RMST: variants seen among roughly 807,000 people sequenced by gnomAD.
The protein encoded by RMST is rhabdomyosarcoma 2 associated transcript.
chr12:97,562,171 A>G (rs964636168), intron 13 of RMST, among the ~76,000 whole-genome samples: 3 of 152,192 alleles, frequency 2.0e-5, no homozygotes, highest in Non-Finnish European at 2.9e-5. Context: ...ACTGCCCTTC[A>G]GTACTGATCC....
At chr12:97,477,300 A>C (rs1276603504) in intron 5 of RMST, among the ~76,000 whole-genome samples, 1 of 152,154 alleles carries the variant, frequency 6.6e-6, no homozygotes, top group Non-Finnish European at 1.5e-5. Flanking sequence ...CAAACCTAGC[A>C]ATCCTGCTGA....
At chr12:97,532,754 A>T (rs925009395) in intron 11 of RMST, 2 of 150,144 alleles carry the variant, frequency 1.3e-5, no homozygotes, top group Non-Finnish European at 3.0e-5. Flanking sequence ...AAATGTGCTA[A>T]TGTAAAGAGT....
At chr12:97,551,805 T>C (rs1349989170) in intron 11 of RMST, 1 of 152,110 alleles carries the variant, frequency 6.6e-6, no homozygotes, top group African/African-American at 2.4e-5. Context: ...TTCAGAAAAA[T>C]TTAAGCCATG....
chr12:97,484,537 C>A (rs773759359), intron 5 of RMST, among the ~76,000 whole-genome samples: 10 of 152,118 alleles, frequency 6.6e-5, no homozygotes, highest in Non-Finnish European at 1.3e-4. Context: ...TTGCTTGCAG[C>A]CTTATTCTCT....
chr12:97,543,546 T>G (rs1337447700), intron 11 of RMST, among the ~76,000 whole-genome samples: 1 of 152,048 alleles, frequency 6.6e-6, no homozygotes, highest in Non-Finnish European at 1.5e-5. Context: ...CCCTTCCCTT[T>G]GTGCTGAAGC....
intron 5 of RMST, among the ~76,000 whole-genome samples, chr12:97,471,441 G>A (rs566769545): frequency 4.6e-5 from 7 of 152,246 alleles, no homozygotes; most frequent in African/African-American, 1.7e-4. Context: ...TTGGCCCTGA[G>A]GCTTTGAGCT....
chr12:97,532,662 T>TA (rs969435070), intron 11 of RMST: 1 of 150,270 alleles, frequency 6.7e-6, no homozygotes, highest in African/African-American at 2.4e-5. Context: ...TTTTTTTTTT[T>TA]TTTTTTTAAA....
chr12:97,538,250 A>C (rs1380871518), intron 11 of RMST, among the ~76,000 whole-genome samples: 1 of 151,376 alleles, frequency 6.6e-6, no homozygotes, highest in African/African-American at 2.4e-5. Flanking sequence ...GTTGTTTTGA[A>C]TCTTTAATCA....
intron 11 of RMST, among the ~76,000 whole-genome samples, chr12:97,544,847 T>C (rs1234234958): frequency 6.6e-6 from 1 of 152,076 alleles, no homozygotes; most frequent in East Asian, 1.9e-4. Context: ...CTATATAATA[T>C]GTATTTGTTA....
Position 97,482,699 on chromosome 12 carries a change from A to T in RMST, n.645-9762A>T, listed in dbSNP as rs143581730. On this transcript the variant is annotated intron_variant and non_coding_transcript_variant, in intron 5 of 13. Transcript: ENST00000640149. ...ATTTAATTTATTTATTATTTATTTAATAAATAAATTTATATTATTTATTTA... is the reference window on the plus strand; with the variant it reads ...ATTTAATTTATTTATTATTTATTTATTAAATAAATTTATATTATTTATTTA... 2.8e-3 allele frequency among the ~76,000 whole-genome samples: 69 copies of T among 24,880 alleles called. 4 individuals are homozygous for T. The highest frequency in any genetic ancestry group is 3.7e-3 in the Admixed American group (11 of 2,940). The allele number at this position is 24,880 out of a possible 152,430, so 16.3% of individuals were successfully genotyped here.
chr12:97,477,485 A>T (rs1220667884), intron 5 of RMST, among the ~76,000 whole-genome samples: 1 of 152,192 alleles, frequency 6.6e-6, no homozygotes, highest in Non-Finnish European at 1.5e-5. Context: ...AGGGGGATAA[A>T]TTTAATAGTT....
At chr12:97,512,105 T>C (rs1320895752) in intron 10 of RMST, among the ~76,000 whole-genome samples, 1 of 151,984 alleles carries the variant, frequency 6.6e-6, no homozygotes, top group Non-Finnish European at 1.5e-5. Context: ...GTGTTCAGAG[T>C]TTCTTCTGTC....
At chr12:97,483,222 G>C (rs1391897341) in intron 5 of RMST, among the ~76,000 whole-genome samples, 1 of 152,140 alleles carries the variant, frequency 6.6e-6, no homozygotes, top group African/African-American at 2.4e-5. Context: ...GTGAAAGTGG[G>C]ATGTGCTTTC....
chr12:97,559,903 A>G (rs1884000343), intron 11 of RMST, among the ~76,000 whole-genome samples: 1 of 152,192 alleles, frequency 6.6e-6, no homozygotes, highest in Non-Finnish European at 1.5e-5. Flanking sequence ...AACAAATATA[A>G]TAAGATGCCT....
chr12:97,555,676 T>G (rs1883654187), intron 11 of RMST, among the ~76,000 whole-genome samples: 1 of 152,212 alleles, frequency 6.6e-6, no homozygotes, highest in Admixed American at 6.5e-5. Context: ...TCTTATCTAT[T>G]GGTCTTGCCT....
At chr12:97,486,489 A>T (rs1398406227) in intron 5 of RMST, among the ~76,000 whole-genome samples, 2 of 152,198 alleles carry the variant, frequency 1.3e-5, no homozygotes, top group Non-Finnish European at 2.9e-5. Context: ...GATCTAGAGA[A>T]ATTGGAAACA....
chr12:97,473,172 G>A (rs1874136835), intron 5 of RMST, among the ~76,000 whole-genome samples: 1 of 152,044 alleles, frequency 6.6e-6, no homozygotes, highest in Non-Finnish European at 1.5e-5. Context: ...TTTGTTGTGA[G>A]AATAATGAGA....
chr12:97,471,269 G>A (rs767847617), intron 5 of RMST, among the ~76,000 whole-genome samples: 3 of 152,092 alleles, frequency 2.0e-5, no homozygotes, highest in African/African-American at 7.2e-5. Flanking sequence ...TGTGTAGCGT[G>A]TGTTAATTTT....
intron 11 of RMST, among the ~76,000 whole-genome samples, chr12:97,550,657 A>AT (rs1358260736): frequency 6.6e-6 from 1 of 152,034 alleles, no homozygotes; most frequent in Non-Finnish European, 1.5e-5. Flanking sequence ...TTTCTGTAGG[A>AT]TCTCTATTTT....
Sources: allele counts gnomAD v4.1 joint callset (sites outside exome capture counted in the v4.1 genomes callset), GRCh38; gene constraint gnomAD v4.1.1; transcripts MANE v1.5; gene names NCBI Gene and HGNC (gene_info 2026-07-23, HGNC 2026-07-21).